The following AGBL4 variants were observed in gnomAD, a reference collection of about 807,000 sequenced individuals.
The protein encoded by AGBL4 is AGBL carboxypeptidase 4, also known as cytosolic carboxypeptidase 6.
Under a neutral mutation model 66.4 loss-of-function variants are expected in AGBL4, and 58 were observed. The observed-to-expected ratio is 0.87, with a 90% CI of 0.71 to 1.09. The LOEUF (loss-of-function observed/expected upper bound fraction) is 1.09. Among genes scored for constraint, AGBL4 ranks in the 50% least tolerant of loss-of-function variants. The pLI, the probability that AGBL4 is intolerant of heterozygous loss-of-function variation, is 0.00. For synonymous variants in AGBL4, 234 were observed against 222.9 expected, an observed-to-expected ratio of 1.05 and a Z score of -0.44; for missense variants, 579 against 631.0, an observed-to-expected ratio of 0.92 and a Z score of 0.88.
intron 4 of AGBL4, among the ~76,000 whole-genome samples, chr1:49,134,441 A>G (rs1266390268): frequency 1.3e-5 from 2 of 151,044 alleles, no homozygotes; most frequent in Non-Finnish European, 3.0e-5. Context: ...ACAACTGCAT[A>G]AGGCAGACAC....
chr1:49,600,852 G>T (rs1002068911), intron 3 of AGBL4, among the ~76,000 whole-genome samples: 2 of 152,116 alleles, frequency 1.3e-5, no homozygotes, highest in South Asian at 4.1e-4. Context: ...AGGTTATGAA[G>T]TTAGTTTGGC....
chr1:49,843,214 C>T (rs1486580760), intron 2 of AGBL4, among the ~76,000 whole-genome samples: 2 of 152,080 alleles, frequency 1.3e-5, no homozygotes, highest in African/African-American at 4.8e-5. Flanking sequence ...GCAACCTCGA[C>T]CTTCTGGGCT....
intron 3 of AGBL4, among the ~76,000 whole-genome samples, chr1:49,515,276 C>T (rs562058434): frequency 1.8e-4 from 27 of 152,162 alleles, no homozygotes; most frequent in Admixed American, 4.6e-4. Context: ...AGCCAAAAGA[C>T]GCATGAAAAA....
At chr1:49,475,341 T>C (rs1646826381) in intron 3 of AGBL4, among the ~76,000 whole-genome samples, 1 of 152,114 alleles carries the variant, frequency 6.6e-6, no homozygotes. Flanking sequence ...AGTTTGATAG[T>C]ATTTTTTGAG....
At chr1:49,613,210 C>T (rs1368565453) in intron 3 of AGBL4, among the ~76,000 whole-genome samples, 1 of 151,998 alleles carries the variant, frequency 6.6e-6, no homozygotes, top group Non-Finnish European at 1.5e-5. Context: ...ATGGGAACAA[C>T]AGACACTGGA....
intron 4 of AGBL4, among the ~76,000 whole-genome samples, chr1:49,149,038 G>GGTCC (rs1315032046): frequency 6.6e-6 from 1 of 152,112 alleles, no homozygotes; most frequent in African/African-American, 2.4e-5. Flanking sequence ...CTGACCTCTG[G>GGTCC]ACTTGAGCTA....
rs1649062125 is a variant in AGBL4, at chr1:48,736,422, C to T, written c.635-73181G>A. ...ACTTGTAGCTGGTGCCATTTCTCCT[C>T]ATCAACCCAAATCCCGCTTCCCAGA... On this transcript the variant is annotated intron_variant, in intron 6 of 13. Coordinates refer to ENST00000371839, the MANE Select transcript of AGBL4 (RefSeq NM_032785.4). This position sits in a 1 kb window ranked among gnomAD's most constrained non-coding sequence, Gnocchi z 4.0. 6.2e-7 allele frequency: 1 copy of T among 1,614,190 alleles called. No individual in the cohort carries two copies. The highest frequency in any genetic ancestry group is 8.5e-7 in the Non-Finnish European group (1 of 1,180,046).
chr1:48,652,443 T>TC (rs1410264365), intron 8 of AGBL4, among the ~76,000 whole-genome samples: 1 of 152,122 alleles, frequency 6.6e-6, no homozygotes, highest in Non-Finnish European at 1.5e-5. Context: ...AACTGGGCTT[T>TC]CCTCAACGCA....
At chr1:48,719,386 G>A (rs1292519148) in intron 6 of AGBL4, among the ~76,000 whole-genome samples, 1 of 152,154 alleles carries the variant, frequency 6.6e-6, no homozygotes, top group Non-Finnish European at 1.5e-5. Flanking sequence ...GAAGGGGGGT[G>A]GGCATCTGCC....
intron 6 of AGBL4, among the ~76,000 whole-genome samples, chr1:48,703,075 C>T (rs535310695): frequency 6.6e-6 from 1 of 152,146 alleles, no homozygotes; most frequent in South Asian, 2.1e-4. Context: ...AAAAAATGGG[C>T]CTTTAAAGAG....
chr1:49,246,082 A>T (rs1422874530), intron 3 of AGBL4, among the ~76,000 whole-genome samples: 3 of 151,958 alleles, frequency 2.0e-5, no homozygotes, highest in Non-Finnish European at 4.4e-5. Flanking sequence ...CTTGAATTTT[A>T]GAACCAACTC....
intron 6 of AGBL4, among the ~76,000 whole-genome samples, chr1:48,828,412 G>T (rs559806551): frequency 3.5e-4 from 54 of 152,208 alleles, no homozygotes; most frequent in African/African-American, 1.3e-3. Flanking sequence ...CTAGGATCCA[G>T]TGCCACCTGT....
chr1:48,890,105 G>GA (rs1461284914), intron 5 of AGBL4, among the ~76,000 whole-genome samples: 1 of 152,000 alleles, frequency 6.6e-6, no homozygotes, highest in African/African-American at 2.4e-5. Context: ...GCTAGAAGCA[G>GA]AATCACCCAC....
intron 3 of AGBL4, among the ~76,000 whole-genome samples, chr1:49,367,417 G>T (rs1049553425): frequency 2.6e-5 from 4 of 152,150 alleles, no homozygotes; most frequent in Non-Finnish European, 4.4e-5. Flanking sequence ...CTTGCCATCT[G>T]CCATAAGTGT....
intron 6 of AGBL4, 22 bp from the exon 7 acceptor site, chr1:48,663,263 G>A (rs371351718): frequency 3.1e-6 from 5 of 1,612,952 alleles, no homozygotes; most frequent in South Asian, 1.1e-5. Flanking sequence ...AATGAAAGAT[G>A]GTTGCTAAGG....
intron 6 of AGBL4, among the ~76,000 whole-genome samples, chr1:48,759,600 T>C (rs1328651988): frequency 6.6e-6 from 1 of 152,108 alleles, no homozygotes. Context: ...CCTTCCCAAC[T>C]CCCCAGGCCC....
At chr1:49,385,159 AG>A (rs1484317996) in intron 3 of AGBL4, among the ~76,000 whole-genome samples, 1 of 152,172 alleles carries the variant, frequency 6.6e-6, no homozygotes, top group Non-Finnish European at 1.5e-5. Context: ...GGAGGAAAAA[AG>A]GGGTTGTTCA....
intron 1 of AGBL4, among the ~76,000 whole-genome samples, chr1:49,936,842 C>T (rs930823834): frequency 6.6e-6 from 1 of 152,088 alleles, no homozygotes; most frequent in Admixed American, 6.6e-5. Context: ...GAAGGAAGCA[C>T]TAAACAAGGA....
chr1:48,814,500 A>G (rs1192387856), intron 6 of AGBL4, among the ~76,000 whole-genome samples: 1 of 151,808 alleles, frequency 6.6e-6, no homozygotes, highest in Non-Finnish European at 1.5e-5. Flanking sequence ...TATAACTATT[A>G]TTGTTAACTA....
Sources: allele counts gnomAD v4.1 joint callset (sites outside exome capture counted in the v4.1 genomes callset), GRCh38; gene constraint gnomAD v4.1.1; non-coding constraint Gnocchi (gnomAD v3.1); transcripts MANE v1.5; gene names NCBI Gene and HGNC (gene_info 2026-07-23, HGNC 2026-07-21).